AP4E1: variants seen among roughly 807,000 people sequenced by gnomAD.
AP4E1 encodes AP-4 complex subunit epsilon-1.
AP4E1 carries 56 observed loss-of-function variants against 128.2 expected under a neutral mutation model. The observed-to-expected ratio is 0.44, with a 90% confidence interval of 0.35 to 0.55. AP4E1 has a LOEUF of 0.55. Among genes scored for constraint, AP4E1 ranks in the 20% least tolerant of loss-of-function variants. AP4E1 has a pLI of 0.00. For missense variants in AP4E1, 1,324 were observed against 1,307.7 expected, an observed-to-expected ratio of 1.01 and a Z score of -0.19; for synonymous variants, 484 against 473.1, an observed-to-expected ratio of 1.02 and a Z score of -0.30.
intron 15 of AP4E1, among the ~76,000 whole-genome samples, chr15:50,975,265 C>T (rs1345733368): frequency 6.6e-6 from 1 of 152,040 alleles, no homozygotes; most frequent in Non-Finnish European, 1.5e-5. Context: ...ATTAGCCAGG[C>T]GTGGTGGTGC....
chr15:50,911,992 G>A, intron 1 of AP4E1, 86 bp from the exon 2 acceptor site: 5 of 1,029,428 alleles, frequency 4.9e-6, no homozygotes, highest in Non-Finnish European at 7.5e-6. Context: ...TAAAAGTATT[G>A]TAAATTATAT....
chr15:50,930,588 G>A (rs917955006), intron 6 of AP4E1, among the ~76,000 whole-genome samples: 2 of 152,088 alleles, frequency 1.3e-5, no homozygotes, highest in Admixed American at 6.5e-5. Flanking sequence ...GGGAAAAGTA[G>A]GGAGTGATGG....
chr15:50,949,344 C>T (rs926191803), intron 11 of AP4E1, among the ~76,000 whole-genome samples: 17 of 148,414 alleles, frequency 1.1e-4, no homozygotes, highest in African/African-American at 4.0e-4. Context: ...ACCCAGGAGG[C>T]GGAGGTCACA....
At chr15:50,965,983 T>A (rs1327516421) in intron 14 of AP4E1, among the ~76,000 whole-genome samples, 1 of 152,104 alleles carries the variant, frequency 6.6e-6, no homozygotes, top group Non-Finnish European at 1.5e-5. Flanking sequence ...AGTGGCATGA[T>A]CTTGGCTGAC....
At chr15:50,942,343 T>A (rs1248507644) in intron 10 of AP4E1, among the ~76,000 whole-genome samples, 1 of 152,168 alleles carries the variant, frequency 6.6e-6, no homozygotes. Flanking sequence ...TTAATATAAT[T>A]TCGATCTGAG....
intron 16 of AP4E1, among the ~76,000 whole-genome samples, chr15:50,988,298 G>A (rs1301567179): frequency 6.6e-6 from 1 of 151,976 alleles, no homozygotes; most frequent in East Asian, 1.9e-4. Flanking sequence ...GCCCATTATT[G>A]TTTATTATTT....
chr15:50,934,029 C>T (rs1308158765), intron 7 of AP4E1, among the ~76,000 whole-genome samples: 3 of 151,550 alleles, frequency 2.0e-5, no homozygotes, highest in Non-Finnish European at 4.4e-5. Context: ...CACTAATGCA[C>T]TTTTTTTTTC....
At chr15:50,971,520 C>A (rs572887986) in intron 15 of AP4E1, among the ~76,000 whole-genome samples, 1 of 152,108 alleles carries the variant, frequency 6.6e-6, no homozygotes, top group African/African-American at 2.4e-5. Context: ...GCTATTATTT[C>A]ATTAATTATT....
intron 14 of AP4E1, among the ~76,000 whole-genome samples, chr15:50,967,321 C>A (rs371887135): frequency 6.6e-6 from 1 of 152,024 alleles, no homozygotes; most frequent in Non-Finnish European, 1.5e-5. Flanking sequence ...GGCAGTTATC[C>A]TAGATTATGT....
chr15:50,926,948 T>G (rs937392680), intron 5 of AP4E1, among the ~76,000 whole-genome samples: 1 of 152,248 alleles, frequency 6.6e-6, no homozygotes, highest in Non-Finnish European at 1.5e-5. Flanking sequence ...TGATAGCTTT[T>G]ACTAAGAATT....
chr15:50,969,804 G>A (rs183191235), intron 15 of AP4E1, among the ~76,000 whole-genome samples: 65 of 151,822 alleles, frequency 4.3e-4, no homozygotes, highest in African/African-American at 1.1e-3. Flanking sequence ...GACTACAAGC[G>A]CCGGCCACCA....
chr15:50,994,002 C>G (rs1015363563), intron 17 of AP4E1, among the ~76,000 whole-genome samples: 1 of 152,292 alleles, frequency 6.6e-6, no homozygotes, highest in Non-Finnish European at 1.5e-5. Flanking sequence ...GTAAAAAGTA[C>G]TCCTCAAAAT....
intron 16 of AP4E1, among the ~76,000 whole-genome samples, chr15:50,987,652 A>G (rs1163874210): frequency 6.6e-6 from 1 of 152,170 alleles, no homozygotes; most frequent in Non-Finnish European, 1.5e-5. Context: ...GTTTGATTGC[A>G]CTGTGATCTG....
chr15:50,944,844 C>CA, intron 10 of AP4E1: 1 of 758,672 alleles, frequency 1.3e-6, no homozygotes, highest in Non-Finnish European at 2.3e-6. Flanking sequence ...CCTTGCTTTG[C>CA]TGGATGGTCA....
At chr15:50,988,524 A>C (rs1224330799) in intron 16 of AP4E1, among the ~76,000 whole-genome samples, 1 of 152,120 alleles carries the variant, frequency 6.6e-6, no homozygotes, top group Non-Finnish European at 1.5e-5. Context: ...CATGTTGGCC[A>C]GGCTGGTCTC....
rs989119215 is a variant in AP4E1, at chr15:50,969,575, G to A, written c.1966+1198G>A. Among the ~76,000 whole-genome samples the A allele has an allele frequency of 4.6e-5, 7 of 151,636 alleles. No homozygotes were observed. In the East Asian group the frequency reaches 1.2e-3, roughly 25 times the overall value. On this transcript the variant is annotated intron_variant, in intron 15 of 20. Coordinates refer to ENST00000261842, the MANE Select transcript of AP4E1 (RefSeq NM_007347.5). ...GGAATATAGTGATGTTTCAATCCTT[G>A]TATAGTGTTTAGATCATAGTAATTA...
chr15:50,949,797 A>T, intron 11 of AP4E1, 29 bp from the exon 12 acceptor site: 1 of 1,489,974 alleles, frequency 6.7e-7, no homozygotes, highest in South Asian at 1.1e-5. Flanking sequence ...AGCATTTGGA[A>T]GTGTACTTGT....
At chr15:50,992,163 T>C (rs1490435204) in intron 16 of AP4E1, among the ~76,000 whole-genome samples, 1 of 152,094 alleles carries the variant, frequency 6.6e-6, no homozygotes, top group Non-Finnish European at 1.5e-5. Flanking sequence ...ACCCTAGGAA[T>C]GTCAAAAAAT....
At chr15:50,948,187 T>C (rs939929196) in intron 11 of AP4E1, 28 bp downstream of exon 11, 2 of 1,612,902 alleles carry the variant, frequency 1.2e-6, no homozygotes, top group Admixed American at 1.7e-5. Context: ...CCATGAGTCT[T>C]AAAATAGTTA....
Sources: allele counts gnomAD v4.1 joint callset (sites outside exome capture counted in the v4.1 genomes callset), GRCh38; gene constraint gnomAD v4.1.1; transcripts MANE v1.5; gene names NCBI Gene and HGNC (gene_info 2026-07-23, HGNC 2026-07-21).